The following RBFOX1 variants were observed in gnomAD, a reference collection of about 807,000 sequenced individuals.
RBFOX1 encodes the protein RNA binding protein fox-1 homolog 1.
A neutral mutation model predicts 57.7 loss-of-function variants in RBFOX1; 8 were observed. The ratio of observed to expected loss-of-function variants is 0.14; its 90% CI spans 0.08 to 0.25. The LOEUF is 0.25. RBFOX1 is among the 10% of genes least tolerant of loss of function. The pLI, the probability that RBFOX1 is intolerant of heterozygous loss-of-function variation, is 1.00. For missense variants in RBFOX1, 611 were observed against 548.5 expected (o/e 1.11, Z -1.14); for synonymous variants, 326 against 222.4 (o/e 1.47, Z -4.15).
chr16:7,111,452 C>T (rs948775578), intron 4 of RBFOX1, among the ~76,000 whole-genome samples: 1 of 152,116 alleles, frequency 6.6e-6, no homozygotes, highest in African/African-American at 2.4e-5. Context: ...AAGAATAATG[C>T]TTCCTTTGAT....
intron 2 of RBFOX1, among the ~76,000 whole-genome samples, chr16:6,429,613 C>G (rs1175580768): frequency 1.3e-5 from 2 of 152,150 alleles, no homozygotes; most frequent in African/African-American, 4.8e-5. Flanking sequence ...CCCCATGTGT[C>G]AAGGGTGGGG....
At chr16:5,443,665 T>G (rs2068154409) in intron 1 of RBFOX1, among the ~76,000 whole-genome samples, 1 of 152,176 alleles carries the variant, frequency 6.6e-6, no homozygotes, top group East Asian at 1.9e-4. Flanking sequence ...CCACTCTAAT[T>G]TTTATGCCTC....
intron 4 of RBFOX1, among the ~76,000 whole-genome samples, chr16:7,169,379 A>G (rs955386581): frequency 2.6e-5 from 4 of 152,202 alleles, no homozygotes; most frequent in African/African-American, 9.7e-5. Flanking sequence ...ATTACTTGTT[A>G]TGGGCCAGGG....
At chr16:5,834,776 T>TA (rs2056404554) in intron 3 of RBFOX1, among the ~76,000 whole-genome samples, 52 of 147,760 alleles carry the variant, frequency 3.5e-4, no homozygotes, top group African/African-American at 7.8e-4. Flanking sequence ...CATGCACAGA[T>TA]GATAGATAGA....
In RBFOX1 at chr16:6,199,574, G is replaced by A. The variant is rs369639249; in HGVS notation, c.-126-117421G>A. On this transcript the variant is annotated intron_variant, in intron 1 of 15. Transcript: ENST00000550418. ...TGCTTTTCTAGCACATTGGACCAAAGGTCTTTAATCTGTTTAATAATATAT... is the reference window on the plus strand; with the variant it reads ...TGCTTTTCTAGCACATTGGACCAAAAGTCTTTAATCTGTTTAATAATATAT... 1.3e-3 allele frequency among the ~76,000 whole-genome samples: 199 copies of A among 152,216 alleles called. 2 individuals are homozygous for A. Among genetic ancestry groups the A allele is most frequent in the African/African-American group, 4.2e-3 (175 of 41,534 alleles).
intron 2 of RBFOX1, chr16:6,483,683 G>C: frequency 8.6e-7 from 1 of 1,160,784 alleles, no homozygotes; most frequent in Non-Finnish European, 1.1e-6. Flanking sequence ...GGGGGTTGCA[G>C]AGGGACGGGG....
In RBFOX1 at chr16:7,667,722, C is replaced by T. The variant is rs988319024; in HGVS notation, c.930+2754C>T. Among the ~76,000 whole-genome samples the T allele has an allele frequency of 3.3e-5, 5 of 152,150 alleles. No homozygotes were observed. In the East Asian group the frequency reaches 7.7e-4, roughly 24 times the overall value. Reference sequence around the variant, plus strand: ...TTTTGAGACAGACTCACTGTGTCGCCCAGGCTGGAGTGCGGTGCAATGTCA... The same window carrying T: ...TTTTGAGACAGACTCACTGTGTCGCTCAGGCTGGAGTGCGGTGCAATGTCA... On this transcript the variant is annotated intron_variant, in intron 13 of 15. Transcript: ENST00000550418.
At chr16:6,218,532 A>C (rs1215584966) in intron 1 of RBFOX1, among the ~76,000 whole-genome samples, 2 of 151,816 alleles carry the variant, frequency 1.3e-5, no homozygotes, top group Non-Finnish European at 1.5e-5. Context: ...CTGATCTCAA[A>C]CTCCTGGCCT....
chr16:5,688,009 T>TA (rs1266709746), intron 3 of RBFOX1, among the ~76,000 whole-genome samples: 7 of 152,184 alleles, frequency 4.6e-5, no homozygotes, highest in Non-Finnish European at 8.8e-5. Context: ...CAAGTTTTGG[T>TA]AAAAAATATA....
chr16:6,449,685 G>T (rs1433936319), intron 2 of RBFOX1, among the ~76,000 whole-genome samples: 1 of 152,130 alleles, frequency 6.6e-6, no homozygotes, highest in African/African-American at 2.4e-5. Context: ...CTCTAACGTT[G>T]CATTCTGGAG....
At chr16:6,785,430 G>A (rs2081784925) in intron 3 of RBFOX1, among the ~76,000 whole-genome samples, 1 of 152,130 alleles carries the variant, frequency 6.6e-6, no homozygotes, top group South Asian at 2.1e-4. Context: ...GGGCAAAACT[G>A]CATTGATCCT....
rs1165084529 is a variant in RBFOX1, at chr16:7,518,240, T to A, written c.121T>A (p.Tyr41Asn). ...CCCGCAGAACGGTATCCCCGCGGAATACACGGCCCCTCATCCCCACCCCGC... is the reference window on the plus strand; with the variant it reads ...CCCGCAGAACGGTATCCCCGCGGAAAACACGGCCCCTCATCCCCACCCCGC... ...APPQNGIPAE[Y>N]TAPHPHPAPE... The change falls in exon 5 of 16, where the codon TAC becomes AAC. Residue 41 changes from tyrosine (Y) to asparagine (N), a missense_variant. Tyr to Asn is a moderately radical substitution (Grantham distance 143). Around this residue, in one of 3 missense-constraint regions of RBFOX1, gnomAD observed 245 missense variants for 159.1 expected, o/e 1.54. Transcript: ENST00000550418. 6.2e-7 allele frequency: 1 copy of A among 1,614,078 alleles called. No homozygotes were observed. The highest frequency in any genetic ancestry group is 1.6e-4 in the Middle Eastern group (1 of 6,062).
chr16:6,625,178 AAAAAAAAG>A (rs2098286312), intron 2 of RBFOX1, among the ~76,000 whole-genome samples: 2 of 150,282 alleles, frequency 1.3e-5, no homozygotes. Flanking sequence ...AAAAAAAAAA[AAAAAAAAG>A]GTATTCTGGT....
intron 4 of RBFOX1, among the ~76,000 whole-genome samples, chr16:7,505,592 C>T (rs967131494): frequency 6.6e-6 from 1 of 152,188 alleles, no homozygotes; most frequent in African/African-American, 2.4e-5. Flanking sequence ...TTGAGAAAAA[C>T]AGCCTCTCCA....
chr16:6,650,010 A>T (rs888657070), intron 2 of RBFOX1, among the ~76,000 whole-genome samples: 2 of 152,142 alleles, frequency 1.3e-5, no homozygotes, highest in African/African-American at 4.8e-5. Context: ...GGCTATTGTG[A>T]ATAATGCTGC....
chr16:6,376,986 C>G (rs538990290), intron 2 of RBFOX1, among the ~76,000 whole-genome samples: 2 of 151,788 alleles, frequency 1.3e-5, no homozygotes, highest in Non-Finnish European at 1.5e-5. Flanking sequence ...GGTATTGGTC[C>G]CCAGACTGGG....
chr16:6,049,393 T>C (rs1389518526), intron 1 of RBFOX1, among the ~76,000 whole-genome samples: 5 of 152,166 alleles, frequency 3.3e-5, no homozygotes, highest in African/African-American at 4.8e-5. Flanking sequence ...GCCTGAAGAA[T>C]CACCTTCTTT....
intron 4 of RBFOX1, among the ~76,000 whole-genome samples, chr16:5,923,327 G>C (rs2058867670): frequency 6.6e-6 from 1 of 152,112 alleles, no homozygotes. Flanking sequence ...GGACCTTGCA[G>C]GACCCTCAGA....
intron 1 of RBFOX1, among the ~76,000 whole-genome samples, chr16:5,466,404 C>T (rs565062100): frequency 6.6e-6 from 1 of 152,116 alleles, no homozygotes; most frequent in South Asian, 2.1e-4. Context: ...GGAGTTGGGT[C>T]CTGACCCAAC....
Sources: gnomAD v4.1 joint callset for allele counts (sites outside exome capture counted in the v4.1 genomes callset) on GRCh38, gnomAD v4.1.1 for gene constraint, gnomAD v4.1.1 regional missense constraint, MANE v1.5 for transcripts, NCBI Gene and HGNC (gene_info 2026-07-23, HGNC 2026-07-21) for gene names.